Variants in TARDBP observed in about 807,000 individuals in gnomAD.
TARDBP encodes TAR DNA-binding protein 43.
A neutral mutation model predicts 38.3 loss-of-function variants in TARDBP; 4 were observed. The ratio of observed to expected loss-of-function variants is 0.10; its 90% CI spans 0.05 to 0.24. The LOEUF is 0.24. TARDBP is among the 10% of genes least tolerant of loss of function. The probability of loss-of-function intolerance (pLI) is 1.00; values close to 1 mark genes in which losing one functional copy is unlikely to be tolerated. For synonymous variants in TARDBP, 184 were observed against 183.8 expected (o/e 1.00, Z -0.01); for missense variants, 202 against 521.9 (o/e 0.39, Z 5.97).
rs367543041 is a variant in TARDBP, at chr1:11,022,553, G to A, written c.1144G>A (p.Ala382Thr). ...TTATAGTGGCTCTAATTCTGGTGCA[G>A]CAATTGGTTGGGGATCAGCATCCAA... ...NSYSGSNSGA[A>T]IGWGSASNAG... is the part of the protein sequence containing the mutation. Residue 382 changes from alanine to threonine, a missense_variant, in exon 6 of 6, where the codon GCA (alanine) becomes ACA (threonine). Transcript: ENST00000240185. This position sits in a 1 kb window ranked among gnomAD's most constrained non-coding sequence, Gnocchi z 4.5. 1.9e-6 allele frequency: 3 copies of A among 1,581,016 alleles called. No individual in the cohort carries two copies. Among genetic ancestry groups the A allele is most frequent in the Non-Finnish European group, 2.6e-6 (3 of 1,160,998 alleles).
rs761025343 is a variant in TARDBP, at chr1:11,017,073, G to T, written c.402+66G>T. Reference sequence around the variant, plus strand: ...AATGAGTATCTAGCATTTATTTATTGGTATAAATAGAGATGGGGTATCACT... The same window carrying T: ...AATGAGTATCTAGCATTTATTTATTTGTATAAATAGAGATGGGGTATCACT... On this transcript the variant is annotated intron_variant, in intron 3 of 5. Coordinates refer to ENST00000240185, the MANE Select transcript of TARDBP (RefSeq NM_007375.4). The T allele has an allele frequency of 3.9e-6, 6 of 1,527,030 alleles. No individual in the cohort carries two copies. The South Asian group carries it at 5.6e-5, about 14-fold the overall frequency. The allele number at this position is 1,527,030 out of a possible 1,614,324, so 94.6% of individuals were successfully genotyped here.
intron 3 of TARDBP, among the ~76,000 whole-genome samples, chr1:11,018,162 G>C (rs553608632): frequency 3.3e-5 from 5 of 152,104 alleles, no homozygotes; most frequent in Non-Finnish European, 7.3e-5. Context: ...GATTACAGGC[G>C]TGAGCTACTG....
chr1:11,012,923 C>T (rs963370606), intron 1 of TARDBP, among the ~76,000 whole-genome samples, 180 bp downstream of exon 1: 2 of 152,206 alleles, frequency 1.3e-5, no homozygotes, highest in East Asian at 1.9e-4. Context: ...ACGGGGAGGC[C>T]GGTGGCGCCG....
In TARDBP at chr1:11,020,578, T is replaced by C. The variant is rs781245236; in HGVS notation, c.693T>C (p.Phe231=). 6.2e-7 allele frequency: 1 copy of C among 1,613,880 alleles called. No homozygotes were observed. The highest frequency in any genetic ancestry group is 8.5e-7 in the Non-Finnish European group (1 of 1,179,868). ...CCAAGCCATTCAGGGCCTTTGCCTT[T>C]GTTACATTTGCAGATGATCAGGTAT... The part of the protein sequence containing the change: ...FIPKPFRAFA[F]VTFADDQIAQ... The change falls in exon 5 of 6, where the codon TTT becomes TTC. Residue 231 remains phenylalanine (F), a synonymous_variant. Coordinates refer to ENST00000240185, the MANE Select transcript of TARDBP (RefSeq NM_007375.4).
chr1:11,013,710 C>G lies in TARDBP; in HGVS notation c.-12-6C>G, dbSNP rs893057481. On this transcript the variant is annotated splice_polypyrimidine_tract_variant and splice_region_variant and intron_variant, in intron 1 of 5. Coordinates refer to ENST00000240185, the MANE Select transcript of TARDBP (RefSeq NM_007375.4). ...TGTTGTTCATTCATATCTCTTTTCTCTTTAGGAAAAGTAAAAGATGTCTGA... is the reference window on the plus strand; with the variant it reads ...TGTTGTTCATTCATATCTCTTTTCTGTTTAGGAAAAGTAAAAGATGTCTGA... The G allele has an allele frequency of 3.2e-6, 5 of 1,585,228 alleles. No homozygotes were observed. Among genetic ancestry groups the G allele is most frequent in the African/African-American group, 2.7e-5 (2 of 74,472 alleles).
chr1:11,017,177 GCCC>G (rs1643541190), intron 3 of TARDBP, among the ~76,000 whole-genome samples, 170 bp downstream of exon 3: 1 of 149,772 alleles, frequency 6.7e-6, no homozygotes, highest in Admixed American at 6.7e-5. Flanking sequence ...GAGCCACCAT[GCCC>G]AGCCACAATC....
chr1:11,016,434 C>G (rs1319639710), intron 2 of TARDBP, among the ~76,000 whole-genome samples: 2 of 152,182 alleles, frequency 1.3e-5, no homozygotes, highest in African/African-American at 4.8e-5. Flanking sequence ...ATACACACCA[C>G]TGTACCTGGT....
downstream of TARDBP, chr1:11,027,266 G>A (rs755233713): frequency 1.4e-5 from 23 of 1,613,898 alleles, no homozygotes; most frequent in South Asian, 1.4e-4. Context: ...TCCTCATAAA[G>A]GATTCAGCTT....
At chr1:11,028,444 G>A (rs1643776739), downstream of TARDBP, among the ~76,000 whole-genome samples, 1 of 152,174 alleles carries the variant, frequency 6.6e-6, no homozygotes, top group Admixed American at 6.5e-5. Flanking sequence ...TTAGAAATTA[G>A]AATGTTGCAG....
chr1:11,019,038 T>A (rs1372824871), intron 4 of TARDBP, 165 bp downstream of exon 4: 1 of 839,390 alleles, frequency 1.2e-6, no homozygotes, highest in Admixed American at 2.2e-5. Flanking sequence ...TATTTTATGC[T>A]TGTTTGAAAT....
At chr1:11,019,569 G>A (rs1413034233) in intron 4 of TARDBP, among the ~76,000 whole-genome samples, 2 of 151,834 alleles carry the variant, frequency 1.3e-5, no homozygotes, top group Non-Finnish European at 2.9e-5. Context: ...TTTGCACAAC[G>A]ACTTTTTTTT....
rs1643682989 is a variant in TARDBP at position 11,023,728 on chromosome 1, T to C, written c.*1074T>C. On this transcript the variant is annotated 3_prime_UTR_variant, in exon 6 of 6. Transcript: ENST00000240185. Reference sequence around the variant, plus strand: ...AATGTGTTAAGTGAAATGATACTTGTACTCCCCCTACCCCTTTGTCAACTG... The same window carrying C: ...AATGTGTTAAGTGAAATGATACTTGCACTCCCCCTACCCCTTTGTCAACTG... 1 of 166,338 alleles carries C rather than the reference T, an allele frequency of 6.0e-6. No homozygotes were observed. Among genetic ancestry groups the C allele is most frequent in the Non-Finnish European group, 1.3e-5 (1 of 76,316 alleles). 10.3% of individuals were successfully genotyped at this position (166,338 alleles called of 1,614,324 possible). A position where few individuals can be genotyped will look rare whatever the true frequency, so the allele number is the denominator to read the frequency against.
At chr1:11,029,573 T>C (rs1038873050), downstream of TARDBP, 3 of 150,494 alleles carry the variant, frequency 2.0e-5, no homozygotes, top group African/African-American at 7.3e-5. Flanking sequence ...CATAGAATAG[T>C]AACTCAACAG....
downstream of TARDBP, among the ~76,000 whole-genome samples, chr1:11,028,029 CTGGCCAACA>C (rs1643769087): frequency 6.6e-6 from 1 of 152,052 alleles, no homozygotes; most frequent in African/African-American, 2.4e-5. Flanking sequence ...TGAGACCAGC[CTGGCCAACA>C]TGGTGAGACC....
chr1:11,016,123 T>A (rs1459572055), intron 2 of TARDBP: 1 of 152,178 alleles, frequency 6.6e-6, no homozygotes, highest in East Asian at 1.9e-4. Flanking sequence ...TTATTTTTAG[T>A]ATAGACGGCG....
At position 11,022,102 on chromosome 1, in the gene TARDBP, T is replaced by A. The variant is rs776966527; in HGVS notation, c.715-22T>A. On this transcript the variant is annotated intron_variant, in intron 5 of 5. Coordinates refer to ENST00000240185, the MANE Select transcript of TARDBP (RefSeq NM_007375.4). The surrounding 1 kb of genome is among the most constrained non-coding windows in gnomAD (Gnocchi z 4.5). ...GAATCAGTGGTTTAATCTTCTTTGT[T>A]TACATCCCTTATTTCTTATAGATTG... 6.2e-7 allele frequency: 1 copy of A among 1,613,728 alleles called. No homozygotes were observed. The highest frequency in any genetic ancestry group is 1.3e-5 in the African/African-American group (1 of 74,920).
chr1:11,028,687 A>C (rs184625276), downstream of TARDBP, among the ~76,000 whole-genome samples: 1 of 142,340 alleles, frequency 7.0e-6, no homozygotes, highest in African/African-American at 2.7e-5. Flanking sequence ...ATATATTACT[A>C]TCTTTCTGGG....
intron 3 of TARDBP, 97 bp downstream of exon 3, chr1:11,017,104 C>T: frequency 4.3e-6 from 6 of 1,383,780 alleles, no homozygotes; most frequent in Non-Finnish European, 5.1e-6. Context: ...TCACTATGTT[C>T]CCTAGGTTCT....
At chr1:11,020,370 G>GT (rs1218893222) in intron 4 of TARDBP, 59 bp from the exon 5 acceptor site, 13 of 1,603,392 alleles carry the variant, frequency 8.1e-6, no homozygotes, top group East Asian at 4.5e-5. Context: ...TTACCTTAAT[G>GT]TTTTTTTCAT....
Sources: gnomAD v4.1 joint callset for allele counts (sites outside exome capture counted in the v4.1 genomes callset) on GRCh38, gnomAD v4.1.1 for gene constraint, Gnocchi (gnomAD v3.1) non-coding constraint, MANE v1.5 for transcripts, NCBI Gene and HGNC (gene_info 2026-07-23, HGNC 2026-07-21) for gene names.